Variants in EFHB observed in about 807,000 individuals in gnomAD.
EFHB encodes the protein EF-hand domain family member B, also known as EF-hand domain-containing family member B.
A neutral mutation model predicts 87.2 loss-of-function variants in EFHB; 91 were observed. The observed-to-expected ratio is 1.04, with a 90% CI of 0.88 to 1.24. The LOEUF is 1.24. Among genes scored for constraint, EFHB ranks in the 50% most tolerant of loss-of-function variants. The probability of loss-of-function intolerance (pLI) is 0.00; values close to 1 mark genes in which losing one functional copy is unlikely to be tolerated. For synonymous variants in EFHB, 325 were observed against 333.6 expected, an observed-to-expected ratio of 0.97 and a Z score of 0.28; for missense variants, 1,084 against 998.8, an observed-to-expected ratio of 1.09 and a Z score of -1.15.
At chr3:19,896,975 A>C in intron 8 of EFHB, 134 bp from the exon 9 acceptor site, 2 of 758,182 alleles carry the variant, frequency 2.6e-6, no homozygotes, top group Non-Finnish European at 4.1e-6. Flanking sequence ...ATTATGCAGC[A>C]TGTCAGAAAA....
chr3:19,908,252 G>T (rs1694905258), intron 5 of EFHB, among the ~76,000 whole-genome samples: 1 of 152,102 alleles, frequency 6.6e-6, no homozygotes, highest in Non-Finnish European at 1.5e-5. Context: ...CATATTATCG[G>T]CTGGGCGCAG....
intron 1 of EFHB, chr3:19,943,335 C>T (rs566547255): frequency 2.1e-5 from 4 of 189,066 alleles, no homozygotes; most frequent in East Asian, 1.3e-4. Context: ...GCATGTAGGC[C>T]GGATTGGATT....
chr3:19,918,975 G>C (rs1247816871), intron 3 of EFHB, among the ~76,000 whole-genome samples: 1 of 103,486 alleles, frequency 9.7e-6, no homozygotes, highest in African/African-American at 5.4e-5. Context: ...GTGAGACTCA[G>C]TCTCAAAAAA....
intron 5 of EFHB, among the ~76,000 whole-genome samples, chr3:19,914,636 A>G (rs983768819): frequency 2.6e-5 from 4 of 152,142 alleles, no homozygotes; most frequent in East Asian, 3.9e-4. Context: ...CTATATTACT[A>G]TACCCATTTA....
chr3:19,939,462 G>T (rs1246564369), intron 1 of EFHB, among the ~76,000 whole-genome samples: 1 of 131,420 alleles, frequency 7.6e-6, no homozygotes, highest in African/African-American at 2.9e-5. Context: ...TTGGCTCACT[G>T]CAAGCTCCGC....
intron 5 of EFHB, among the ~76,000 whole-genome samples, chr3:19,908,312 C>T (rs2929373): frequency 0.39 from 59,322 of 151,708 alleles, 11,801 homozygotes; most frequent in African/African-American, 0.43. Flanking sequence ...GCAGATGGAT[C>T]GCCTGAGATT....
At chr3:19,918,572 T>C (rs1410027514) in intron 3 of EFHB, among the ~76,000 whole-genome samples, 160 bp from the exon 4 acceptor site, 2 of 152,134 alleles carry the variant, frequency 1.3e-5, no homozygotes, top group Non-Finnish European at 2.9e-5. Flanking sequence ...CTGTCAGAAT[T>C]GGCTATGAAG....
chr3:19,935,449 C>A (rs1272145798), upstream of EFHB, among the ~76,000 whole-genome samples: 6 of 152,034 alleles, frequency 3.9e-5, no homozygotes, highest in Admixed American at 1.3e-4. Flanking sequence ...CAGTGGCTCA[C>A]ACCTTTAATC....
chr3:19,891,039 G>A (rs1694288563), intron 9 of EFHB, among the ~76,000 whole-genome samples: 1 of 151,260 alleles, frequency 6.6e-6, no homozygotes, highest in Admixed American at 6.6e-5. Flanking sequence ...AGCTTTACGT[G>A]TAAAAGAGTA....
chr3:19,937,215 A>G (rs961658714), upstream of EFHB, among the ~76,000 whole-genome samples: 2 of 152,104 alleles, frequency 1.3e-5, no homozygotes, highest in African/African-American at 4.8e-5. Context: ...GAAGGTTAAT[A>G]TAAATATTCT....
chr3:19,896,109 A>G (rs1694473131), intron 9 of EFHB, among the ~76,000 whole-genome samples: 1 of 152,202 alleles, frequency 6.6e-6, no homozygotes, highest in Admixed American at 6.5e-5. Context: ...CTCTGTGTAC[A>G]TATTCAGATT....
At chr3:19,932,446 T>C (rs572702151) in intron 1 of EFHB, among the ~76,000 whole-genome samples, 7 of 152,248 alleles carry the variant, frequency 4.6e-5, no homozygotes, top group African/African-American at 1.7e-4. Flanking sequence ...AACACCCTGC[T>C]GGCTGAATAC....
intron 1 of EFHB, among the ~76,000 whole-genome samples, chr3:19,926,618 C>T (rs1695637056): frequency 6.6e-6 from 1 of 151,810 alleles, no homozygotes; most frequent in Non-Finnish European, 1.5e-5. Context: ...TCTCGGCCTC[C>T]CAAAGTGCTG....
chr3:19,939,367 CTCCTTTTTTTTTT>C (rs1559479867), intron 1 of EFHB, among the ~76,000 whole-genome samples: 2 of 102,486 alleles, frequency 2.0e-5, no homozygotes, highest in Admixed American at 1.1e-4. Context: ...TGGGTTGGGT[CTCCTTTTTTTTTT>C]TTTTTTTTTT....
chr3:19,882,473 T>A, intron 12 of EFHB, 77 bp downstream of exon 12: 1 of 1,292,278 alleles, frequency 7.7e-7, no homozygotes, highest in East Asian at 2.6e-5. Flanking sequence ...AATATAAAAA[T>A]TCAAGTTTTT....
At chr3:19,939,370 C>CTATTTTTT (rs1696097144) in intron 1 of EFHB, among the ~76,000 whole-genome samples, 1 of 64,582 alleles carries the variant, frequency 1.5e-5, no homozygotes, top group Non-Finnish European at 2.8e-5. Flanking sequence ...GTTGGGTCTC[C>CTATTTTTT]TTTTTTTTTT....
Position 19,884,486 on chromosome 3 carries a change from AG to A in EFHB, c.2062del (p.Leu688Ter). The stretch of plus-strand genomic sequence containing the variant: ...GTTGGAAACTTTATCACTTGGTCTC[AG>A]AAGTGTCCGGAGAGTCTTTTCTGTG... ...GSTEKTLRTL[L>X]RPSDKVSNYY... On this transcript the variant is annotated frameshift_variant, in exon 11 of 13. Transcript: ENST00000295824. LOFTEE classifies it high-confidence loss of function. 6.2e-7 allele frequency: 1 copy of A among 1,614,022 alleles called. No homozygotes were observed.
upstream of EFHB, chr3:19,936,370 C>T: frequency 7.5e-6 from 4 of 530,730 alleles, no homozygotes; most frequent in Non-Finnish European, 1.3e-5. Flanking sequence ...TCAAGACATG[C>T]ATGGGTAACA....
At chr3:19,920,601 G>C in intron 1 of EFHB, 34 bp from the exon 2 acceptor site, 1 of 1,508,568 alleles carries the variant, frequency 6.6e-7, no homozygotes, top group African/African-American at 1.4e-5. Flanking sequence ...ATCATTGCCA[G>C]GGTGGAAGAG....
Sources: allele counts gnomAD v4.1 joint callset (sites outside exome capture counted in the v4.1 genomes callset), GRCh38; gene constraint gnomAD v4.1.1; transcripts MANE v1.5; gene names NCBI Gene and HGNC (gene_info 2026-07-23, HGNC 2026-07-21).